Variants in COL8A1 observed in about 807,000 individuals in gnomAD.
COL8A1 encodes collagen alpha-1(VIII) chain.
A neutral mutation model predicts 42.7 loss-of-function variants in COL8A1; 21 were observed. That is an observed-to-expected ratio of 0.49 (90% CI 0.35 to 0.71). The LOEUF is 0.71. COL8A1 is among the 30% of genes least tolerant of loss of function. The probability of loss-of-function intolerance (pLI) is 0.01; values close to 1 mark genes in which losing one functional copy is unlikely to be tolerated. For synonymous variants in COL8A1, 367 were observed against 369.1 expected, an observed-to-expected ratio of 0.99 and a Z score of 0.06; for missense variants, 788 against 962.4, an observed-to-expected ratio of 0.82 and a Z score of 2.40.
intron 1 of COL8A1, among the ~76,000 whole-genome samples, chr3:99,687,905 T>C (rs1427681987): frequency 1.3e-5 from 2 of 152,204 alleles, no homozygotes; most frequent in African/African-American, 4.8e-5. Flanking sequence ...GATGGATTAT[T>C]ATCCCCATAA....
intron 1 of COL8A1, among the ~76,000 whole-genome samples, chr3:99,653,593 G>A (rs1234432697): frequency 6.6e-6 from 1 of 151,744 alleles, no homozygotes; most frequent in Non-Finnish European, 1.5e-5. Flanking sequence ...ATGTGTCTGT[G>A]TGTGTGTGGT....
intron 1 of COL8A1, among the ~76,000 whole-genome samples, chr3:99,685,893 T>C (rs893216017): frequency 1.3e-5 from 2 of 152,228 alleles, no homozygotes; most frequent in Admixed American, 6.5e-5. Context: ...GTTGGCAACA[T>C]TTTTAACCAT....
chr3:99,739,014 T>C (rs982611745), intron 1 of COL8A1, among the ~76,000 whole-genome samples: 5 of 152,286 alleles, frequency 3.3e-5, no homozygotes, highest in Admixed American at 1.3e-4. Context: ...CCCCTTTCTT[T>C]GACTCAGAAA....
At chr3:99,672,914 C>T (rs990700748) in intron 1 of COL8A1, among the ~76,000 whole-genome samples, 63 of 151,894 alleles carry the variant, frequency 4.1e-4, no homozygotes, top group African/African-American at 1.4e-3. Context: ...GACTTGTGTT[C>T]GTGCACTGCT....
At chr3:99,641,080 T>C (rs1235816583) in intron 1 of COL8A1, among the ~76,000 whole-genome samples, 1 of 152,144 alleles carries the variant, frequency 6.6e-6, no homozygotes, top group African/African-American at 2.4e-5. Context: ...AATTATAAAA[T>C]GATATCCTTT....
intron 2 of COL8A1, among the ~76,000 whole-genome samples, chr3:99,787,953 T>C (rs1941929622): frequency 2.6e-5 from 4 of 152,108 alleles, no homozygotes; most frequent in African/African-American, 9.7e-5. Flanking sequence ...CACAATATTA[T>C]TGTGTCCCAC....
chr3:99,704,235 T>C (rs1939617991), intron 1 of COL8A1, among the ~76,000 whole-genome samples: 1 of 152,102 alleles, frequency 6.6e-6, no homozygotes. Context: ...TGTCTAAAAA[T>C]TGAATGAATA....
At chr3:99,691,793 T>G (rs1453613737) in intron 1 of COL8A1, 1 of 151,414 alleles carries the variant, frequency 6.6e-6, no homozygotes, top group Non-Finnish European at 1.5e-5. Context: ...GTTGATTTCC[T>G]GAAACCAAAC....
chr3:99,663,894 T>C (rs1237295499), intron 1 of COL8A1, among the ~76,000 whole-genome samples: 2 of 152,184 alleles, frequency 1.3e-5, no homozygotes, highest in African/African-American at 4.8e-5. Flanking sequence ...ATGAGTTCTA[T>C]CAAATTATGT....
chr3:99,774,394 C>T (rs1347383540), intron 2 of COL8A1, among the ~76,000 whole-genome samples: 2 of 151,980 alleles, frequency 1.3e-5, no homozygotes, highest in Non-Finnish European at 2.9e-5. Flanking sequence ...TCATAGAGAT[C>T]ATTCAAAAGC....
At chr3:99,674,223 T>A (rs1221486614) in intron 1 of COL8A1, among the ~76,000 whole-genome samples, 1 of 151,868 alleles carries the variant, frequency 6.6e-6, no homozygotes. Context: ...ATGGAGGGAG[T>A]TGAGGTAACA....
intron 1 of COL8A1, among the ~76,000 whole-genome samples, chr3:99,661,141 G>T (rs1275210124): frequency 2.0e-5 from 3 of 151,956 alleles, no homozygotes; most frequent in African/African-American, 7.3e-5. Context: ...TTCATCAAAG[G>T]ATACAATCCA....
chr3:99,735,535 C>T (rs1282680937), intron 1 of COL8A1, among the ~76,000 whole-genome samples: 6 of 150,016 alleles, frequency 4.0e-5, no homozygotes, highest in African/African-American at 1.5e-4. Flanking sequence ...TTTGGATGTG[C>T]TGCTGGATTC....
At position 99,665,044 on chromosome 3, in the gene COL8A1, ACT is replaced by A. The variant is rs921500750; in HGVS notation, c.-129+26382_-129+26383del. Among the ~76,000 whole-genome samples, 119 of 152,256 alleles carry A rather than the reference ACT, an allele frequency of 7.8e-4. 2 individuals are homozygous for A. The highest frequency in any genetic ancestry group is 2.6e-3 in the African/African-American group (109 of 41,562). On this transcript the variant is annotated intron_variant, in intron 1 of 3. Transcript: ENST00000652472. ...CTAAAGTCCACTTGACTCCCAAGAA[ACT>A]CACACATCCTCATCACATCCAAAAG...
At chr3:99,709,838 A>G (rs1040512833) in intron 1 of COL8A1, among the ~76,000 whole-genome samples, 5 of 152,190 alleles carry the variant, frequency 3.3e-5, no homozygotes, top group African/African-American at 1.2e-4. Flanking sequence ...ACAAAGCTTA[A>G]GATGCAAAGA....
At chr3:99,661,945 G>A (rs1938217914) in intron 1 of COL8A1, among the ~76,000 whole-genome samples, 1 of 152,186 alleles carries the variant, frequency 6.6e-6, no homozygotes, top group Admixed American at 6.5e-5. Flanking sequence ...AGAATGATGT[G>A]CCAGGGGATG....
intron 2 of COL8A1, among the ~76,000 whole-genome samples, chr3:99,762,471 T>C (rs1425809548): frequency 6.6e-6 from 1 of 152,238 alleles, no homozygotes; most frequent in Non-Finnish European, 1.5e-5. Flanking sequence ...AAAGTTCAAA[T>C]TTTCAGACTC....
chr3:99,670,915 C>T (rs954750189), intron 1 of COL8A1, among the ~76,000 whole-genome samples: 1 of 151,650 alleles, frequency 6.6e-6, no homozygotes, highest in South Asian at 2.1e-4. Context: ...TCTTTCCTTC[C>T]CCAGTTGTAG....
chr3:99,709,972 G>A (rs1423902473), intron 1 of COL8A1, among the ~76,000 whole-genome samples: 3 of 152,142 alleles, frequency 2.0e-5, no homozygotes, highest in African/African-American at 7.2e-5. Context: ...TTTTGTTGGA[G>A]GGGACAGGGG....
Sources: gnomAD v4.1 joint callset for allele counts (sites outside exome capture counted in the v4.1 genomes callset) on GRCh38, gnomAD v4.1.1 for gene constraint, MANE v1.5 for transcripts, NCBI Gene and HGNC (gene_info 2026-07-23, HGNC 2026-07-21) for gene names.